Variants in GLMN observed in about 807,000 individuals in gnomAD.
The protein encoded by GLMN is glomulin, FKBP associated protein.
In GLMN, 75 loss-of-function variants were observed where a neutral mutation model predicts 87.8. That is an observed-to-expected ratio of 0.85 (90% CI 0.71 to 1.04). GLMN has a LOEUF of 1.04. GLMN is among the 50% of genes least tolerant of loss of function. The pLI, the probability that GLMN is intolerant of heterozygous loss-of-function variation, is 0.00. For missense variants in GLMN, 588 were observed against 658.8 expected (o/e 0.89, Z 1.18); for synonymous variants, 206 against 221.6 (o/e 0.93, Z 0.63).
the GLMN span, chr1:92,304,476 T>C: frequency 2.0e-6 from 1 of 506,020 alleles, no homozygotes; most frequent in Non-Finnish European, 3.4e-6. Flanking sequence ...AAAATCTTAC[T>C]GGTTAGAAAA....
the GLMN span, among the ~76,000 whole-genome samples, chr1:92,319,915 T>G: frequency 6.6e-6 from 1 of 151,842 alleles, no homozygotes; most frequent in Non-Finnish European, 1.5e-5. Flanking sequence ...GGAGAATCAC[T>G]TGAACCCGGG....
At chr1:92,347,329 A>G in the GLMN span, among the ~76,000 whole-genome samples, 1 of 150,406 alleles carries the variant, frequency 6.6e-6, no homozygotes, top group Non-Finnish European at 1.5e-5. Context: ...GGCAAAGAAA[A>G]TATCAGTATC....
At chr1:92,254,162 A>AT (rs1412289244) in intron 16 of GLMN, among the ~76,000 whole-genome samples, 1 of 152,210 alleles carries the variant, frequency 6.6e-6, no homozygotes, top group Non-Finnish European at 1.5e-5. Flanking sequence ...GGAAGAAAGA[A>AT]TATCAGAGAT....
the GLMN span, among the ~76,000 whole-genome samples, chr1:92,367,087 C>T: frequency 1.3e-5 from 2 of 152,174 alleles, no homozygotes; most frequent in Non-Finnish European, 2.9e-5. Flanking sequence ...TGATAAAGGT[C>T]TCCACTTTTA....
chr1:92,290,192 C>T lies in GLMN; in HGVS notation c.394+6G>A. ...AGAAGTACTCTGATATCAAAATTCT[C>T]ATTACCTGTTTGTAATGGCTGAAGC... On this transcript the variant is annotated splice_donor_region_variant and intron_variant, in intron 5 of 18. Transcript: ENST00000370360. 6.7e-7 allele frequency: 1 copy of T among 1,489,096 alleles called. No homozygotes were observed. The highest frequency in any genetic ancestry group is 1.1e-5 in the South Asian group (1 of 88,450). The allele number at this position is 1,489,096 out of a possible 1,614,324, so 92.2% of individuals were successfully genotyped here.
At chr1:92,266,233 T>C (rs1022853789) in intron 13 of GLMN, among the ~76,000 whole-genome samples, 186 bp downstream of exon 13, 3 of 152,212 alleles carry the variant, frequency 2.0e-5, no homozygotes, top group African/African-American at 7.2e-5. Context: ...GACATATATA[T>C]AGTATGTCTG....
intron 16 of GLMN, among the ~76,000 whole-genome samples, chr1:92,254,289 TTGAC>T (rs1166946233): frequency 6.6e-6 from 1 of 152,108 alleles, no homozygotes; most frequent in East Asian, 1.9e-4. Context: ...AAACCTATGT[TTGAC>T]TGGTGTACCT....
intron 13 of GLMN, 126 bp from the exon 14 acceptor site, chr1:92,264,764 G>T (rs1206818997): frequency 1.5e-6 from 1 of 686,644 alleles, no homozygotes; most frequent in Non-Finnish European, 2.7e-6. Flanking sequence ...CCACAGTAAT[G>T]GTAATTAGCA....
the GLMN span, among the ~76,000 whole-genome samples, chr1:92,369,473 T>C: frequency 1.3e-5 from 2 of 152,072 alleles, no homozygotes; most frequent in Non-Finnish European, 2.9e-5. Context: ...CTCAACTAAT[T>C]TTTTTATTTT....
At chr1:92,276,886 G>C (rs1242940174) in intron 7 of GLMN, among the ~76,000 whole-genome samples, 1 of 152,092 alleles carries the variant, frequency 6.6e-6, no homozygotes, top group Non-Finnish European at 1.5e-5. Context: ...GGGTACATGG[G>C]CATGTGCTAG....
At chr1:92,294,487 G>A (rs1649797690) in intron 3 of GLMN, among the ~76,000 whole-genome samples, 1 of 152,062 alleles carries the variant, frequency 6.6e-6, no homozygotes, top group Non-Finnish European at 1.5e-5. Flanking sequence ...TAATTTATGA[G>A]ATTAACAATA....
intron 16 of GLMN, among the ~76,000 whole-genome samples, chr1:92,251,994 C>T (rs972579575): frequency 4.0e-5 from 6 of 151,790 alleles, no homozygotes; most frequent in Non-Finnish European, 5.9e-5. Context: ...GATGGGGTTT[C>T]GCCATGTTGG....
intron 13 of GLMN, among the ~76,000 whole-genome samples, chr1:92,266,095 T>C (rs1039224841): frequency 2.6e-5 from 4 of 152,190 alleles, no homozygotes; most frequent in African/African-American, 7.2e-5. Context: ...TAATGGAGAT[T>C]AGTGACATAC....
intron 3 of GLMN, among the ~76,000 whole-genome samples, chr1:92,291,956 A>T (rs1040827777): frequency 9.9e-5 from 15 of 151,608 alleles, no homozygotes; most frequent in Non-Finnish European, 1.5e-4. Context: ...TGTAATTTAT[A>T]AAAAAAAGAA....
At position 92,247,968 on chromosome 1, in the gene GLMN, CA is replaced by C; in HGVS notation, c.1494del (p.Gly499GlufsTer8). On this transcript the variant is annotated frameshift_variant, in exon 17 of 19. Coordinates refer to ENST00000370360, the MANE Select transcript of GLMN (RefSeq NM_053274.3). LOFTEE classifies it high-confidence loss of function. Reference sequence around the variant, plus strand: ...TTTAAGAAATTATTCTCAATATTTCCAAGTTCTGTCCATAATCCAGTCTGTT... The same window carrying C: ...TTTAAGAAATTATTCTCAATATTTCCAGTTCTGTCCATAATCCAGTCTGTT... Reference protein sequence around the residue: ...NDNQTGLWTELGNIENNFLKP... With the variant: ...NDNQTGLWTEXGNIENNFLKP... 7.7e-7 allele frequency: 1 copy of C among 1,300,072 alleles called. No homozygotes were observed. Among genetic ancestry groups the C allele is most frequent in the Non-Finnish European group, 1.1e-6 (1 of 895,296 alleles). The allele number at this position is 1,300,072 out of a possible 1,614,324, so 80.5% of individuals were successfully genotyped here. A position where few individuals can be genotyped will look rare whatever the true frequency, so the allele number is the denominator to read the frequency against.
At chr1:92,297,222 G>A (rs577627827) in intron 3 of GLMN, among the ~76,000 whole-genome samples, 182 bp downstream of exon 3, 1 of 149,950 alleles carries the variant, frequency 6.7e-6, no homozygotes, top group East Asian at 2.0e-4. Context: ...ATAACGCTGT[G>A]ATTACGAACG....
the GLMN span, among the ~76,000 whole-genome samples, chr1:92,350,594 C>T: frequency 6.6e-6 from 1 of 152,136 alleles, no homozygotes; most frequent in Non-Finnish European, 1.5e-5. Flanking sequence ...AGGCTCTTTC[C>T]ACAATCTTTG....
At chr1:92,275,918 C>T (rs1647250031) in intron 7 of GLMN, among the ~76,000 whole-genome samples, 2 of 152,084 alleles carry the variant, frequency 1.3e-5, no homozygotes, top group Admixed American at 1.3e-4. Context: ...AATCTCACCC[C>T]CTCTCATTCA....
the GLMN span, among the ~76,000 whole-genome samples, chr1:92,317,402 G>A: frequency 6.6e-6 from 1 of 151,930 alleles, no homozygotes; most frequent in East Asian, 1.9e-4. Context: ...CAGCTACTCA[G>A]GAGGCTGAGG....
Sources: allele counts gnomAD v4.1 joint callset (sites outside exome capture counted in the v4.1 genomes callset), GRCh38; gene constraint gnomAD v4.1.1; transcripts MANE v1.5; gene names NCBI Gene and HGNC (gene_info 2026-07-23, HGNC 2026-07-21).